Variants in TMEM91 observed in about 807,000 individuals in gnomAD.
TMEM91 encodes the protein dispanin subfamily C member 3.
TMEM91 carries 6 observed loss-of-function variants against 13.3 expected under a neutral mutation model. The observed-to-expected ratio is 0.45, with a 90% CI of 0.25 to 0.89. The LOEUF is 0.89. Ranked by LOEUF, TMEM91 falls within the 40% of genes least tolerant of loss-of-function variation. TMEM91 has a pLI of 0.19. For missense variants in TMEM91, 193 were observed against 228.7 expected, an observed-to-expected ratio of 0.84 and a Z score of 1.01; for synonymous variants, 87 against 101.7, an observed-to-expected ratio of 0.86 and a Z score of 0.87.
At chr19:41,377,670 C>G (rs2038754344) in intron 1 of TMEM91, among the ~76,000 whole-genome samples, 2 of 151,794 alleles carry the variant, frequency 1.3e-5, no homozygotes, top group South Asian at 4.1e-4. Flanking sequence ...GGTGCTGCAA[C>G]TTATTGGGGT....
upstream of TMEM91, among the ~76,000 whole-genome samples, chr19:41,375,928 C>T (rs1387153549): frequency 1.3e-5 from 2 of 152,040 alleles, no homozygotes; most frequent in African/African-American, 4.8e-5. Context: ...TCAAGACCAA[C>T]CTGACCAACA....
intron 2 of TMEM91, among the ~76,000 whole-genome samples, chr19:41,380,863 G>T (rs192425856): frequency 1.6e-4 from 24 of 145,480 alleles, no homozygotes; most frequent in Admixed American, 1.5e-3. Flanking sequence ...GCAGTGAGCC[G>T]AGATCACGCC....
At chr19:41,370,838 G>T (rs1310863574) in intron 1 of TMEM91, among the ~76,000 whole-genome samples, 1 of 151,862 alleles carries the variant, frequency 6.6e-6, no homozygotes, top group Non-Finnish European at 1.5e-5. Context: ...AAGTAGCTGG[G>T]ATTACAGGCA....
chr19:41,367,578 C>T (rs192952017), intron 1 of TMEM91, among the ~76,000 whole-genome samples: 1 of 152,320 alleles, frequency 6.6e-6, no homozygotes, highest in East Asian at 1.9e-4. Flanking sequence ...TTGCAGTGAT[C>T]TGAGATCGTG....
At chr19:41,370,387 T>TTTCTA (rs1491136158) in intron 1 of TMEM91, among the ~76,000 whole-genome samples, 3 of 138,086 alleles carry the variant, frequency 2.2e-5, no homozygotes, top group Non-Finnish European at 4.6e-5. Flanking sequence ...TATTTATTTA[T>TTTCTA]TTTTATTTTA....
intron 1 of TMEM91, among the ~76,000 whole-genome samples, chr19:41,371,311 CTCCTTCCTTCCTTCCT>C (rs34140170): frequency 6.9e-4 from 77 of 111,992 alleles, no homozygotes; most frequent in Middle Eastern, 4.3e-3. Context: ...CCACTATCCT[CTCCTTCCTTCCTTCCT>C]TCCTTCCTTC....
intron 1 of TMEM91, among the ~76,000 whole-genome samples, chr19:41,368,997 T>C (rs2038571861): frequency 1.3e-5 from 2 of 152,006 alleles, no homozygotes; most frequent in African/African-American, 4.8e-5. Context: ...GCCCCTGTAG[T>C]CCCAGCTACT....
chr19:41,366,844 A>G (rs2038535429), intron 1 of TMEM91, among the ~76,000 whole-genome samples: 1 of 152,194 alleles, frequency 6.6e-6, no homozygotes, highest in Non-Finnish European at 1.5e-5. Context: ...GAGATTCAGA[A>G]AATATGATTG....
chr19:41,382,950 A>G, intron 3 of TMEM91, 29 bp downstream of exon 3: 2 of 1,213,054 alleles, frequency 1.6e-6, no homozygotes, highest in Middle Eastern at 4.6e-4. Flanking sequence ...CTTGGAGGGG[A>G]CTGGGCATAA....
intron 1 of TMEM91, among the ~76,000 whole-genome samples, chr19:41,366,534 G>A (rs943561687): frequency 6.6e-5 from 10 of 152,130 alleles, no homozygotes; most frequent in Non-Finnish European, 1.0e-4. Flanking sequence ...GCTCAGACCC[G>A]TCCAGTGGTC....
In TMEM91 at chr19:41,382,862, T is replaced by G; in HGVS notation, c.301T>G (p.Phe101Val). ...CCACGACCACCTCGGCTTGGCTGTC[T>G]TCTCCATGCTGTGTTGTTTCTGGCC... ...LPHDHLGLAV[F>V]SMLCCFWPVG... The change falls in exon 3 of 4, where the codon TTC becomes GTC. Residue 101 changes from phenylalanine to valine, a missense_variant. By Grantham distance (50) the Phe-to-Val change is conservative. Transcript: ENST00000392002. 1 of 1,614,246 alleles carries G rather than the reference T, an allele frequency of 6.2e-7. No homozygotes were observed. The highest frequency in any genetic ancestry group is 8.5e-7 in the Non-Finnish European group (1 of 1,180,050).
chr19:41,365,644 G>C (rs1205914542), intron 1 of TMEM91, among the ~76,000 whole-genome samples: 4 of 150,648 alleles, frequency 2.7e-5, no homozygotes, highest in African/African-American at 9.8e-5. Flanking sequence ...ACCTCAGGTG[G>C]TCCACCCGCC....
chr19:41,372,532 T>G (rs2038640885), upstream of TMEM91, among the ~76,000 whole-genome samples: 1 of 152,074 alleles, frequency 6.6e-6, no homozygotes, highest in Non-Finnish European at 1.5e-5. Context: ...TTATTATTAT[T>G]ACTTTGTTTT....
At chr19:41,370,393 T>TTTATTTATTTA (rs376147570) in intron 1 of TMEM91, among the ~76,000 whole-genome samples, 2 of 142,986 alleles carry the variant, frequency 1.4e-5, no homozygotes, top group African/African-American at 2.6e-5. Flanking sequence ...TTTATTTTTA[T>TTTATTTATTTA]TTTATTTATT....
chr19:41,376,106 C>CA (rs2038711890), upstream of TMEM91: 1 of 149,674 alleles, frequency 6.7e-6, no homozygotes, highest in Non-Finnish European at 1.5e-5. Flanking sequence ...GGCGACAGAG[C>CA]AAGACTCCGT....
chr19:41,380,161 C>T (rs1389280523), intron 2 of TMEM91, among the ~76,000 whole-genome samples: 1 of 151,942 alleles, frequency 6.6e-6, no homozygotes, highest in Non-Finnish European at 1.5e-5. Context: ...TCCCAGAGTG[C>T]CAGATTACAG....
Position 41,376,643 on chromosome 19 carries a change from T to A in TMEM91, c.-241T>A, listed in dbSNP as rs1349234354. The A allele has an allele frequency of 1.3e-5, 2 of 152,270 alleles. No homozygotes were observed. The highest frequency in any genetic ancestry group is 4.8e-5 in the African/African-American group (2 of 41,552). 9.4% of individuals were successfully genotyped at this position (152,270 alleles called of 1,614,324 possible). A position where few individuals can be genotyped will look rare whatever the true frequency, so the allele number is the denominator to read the frequency against. ...CCCGTTCCTGGACGCTGACGTCGGC[T>A]TTCAGGGATCCCTCGCCGGACGCCG... On this transcript the variant is annotated 5_prime_UTR_variant, in exon 1 of 4. Transcript: ENST00000392002.
intron 3 of TMEM91, 80 bp downstream of exon 3, chr19:41,383,001 G>A: frequency 1.9e-6 from 3 of 1,548,882 alleles, no homozygotes; most frequent in Non-Finnish European, 2.6e-6. Flanking sequence ...CCATATACCT[G>A]AGGCGGGAAG....
rs1243004848 is a variant in TMEM91, at chr19:41,378,324, T to C, written c.15T>C (p.Ser5=). The change falls in exon 2 of 4, where the codon AGT becomes AGC. Residue 5 remains serine, a synonymous_variant. Transcript: ENST00000392002. ...TCCCCAAAGCCATGGACAGCCCTAG[T>C]CTTCGTGAGCTTCAACAGCCTCTGC... The part of the protein sequence containing the change: MDSP[S]LRELQQPLLE... The C allele has an allele frequency of 6.2e-7, 1 of 1,614,140 alleles. No homozygotes were observed. Among genetic ancestry groups the C allele is most frequent in the Non-Finnish European group, 8.5e-7 (1 of 1,179,994 alleles).
Sources: gnomAD v4.1 joint callset for allele counts (sites outside exome capture counted in the v4.1 genomes callset) on GRCh38, gnomAD v4.1.1 for gene constraint, MANE v1.5 for transcripts, NCBI Gene and HGNC (gene_info 2026-07-23, HGNC 2026-07-21) for gene names.